The following EIF3H variants were observed in gnomAD, a reference collection of about 807,000 sequenced individuals.
EIF3H encodes eukaryotic translation initiation factor 3 subunit H, also known as eIF-3-gamma.
Under a neutral mutation model 44.2 loss-of-function variants are expected in EIF3H, and 26 were observed. The ratio of observed to expected loss-of-function variants is 0.59; its 90% CI spans 0.43 to 0.82. EIF3H has a LOEUF of 0.82. Among genes scored for constraint, EIF3H ranks in the 40% least tolerant of loss-of-function variants. The pLI is 0.00. For missense variants in EIF3H, 359 were observed against 432.8 expected, an observed-to-expected ratio of 0.83 and a Z score of 1.51; for synonymous variants, 166 against 151.9, an observed-to-expected ratio of 1.09 and a Z score of -0.68.
chr8:116,696,678 G>C (rs1814273133), intron 2 of EIF3H, among the ~76,000 whole-genome samples: 1 of 152,128 alleles, frequency 6.6e-6, no homozygotes, highest in Non-Finnish European at 1.5e-5. Context: ...TAAGGCTTCA[G>C]AATACTTACA....
intron 1 of EIF3H, among the ~76,000 whole-genome samples, chr8:116,744,214 TAA>T (rs66854303): frequency 7.1e-6 from 1 of 141,258 alleles, no homozygotes; most frequent in African/African-American, 2.6e-5. Flanking sequence ...TAGAAAGTAT[TAA>T]AAAAAAAAAA....
chr8:116,764,659 G>A (rs1815549936), intron 1 of EIF3H, among the ~76,000 whole-genome samples: 1 of 152,094 alleles, frequency 6.6e-6, no homozygotes, highest in South Asian at 2.1e-4. Flanking sequence ...TGCTGTAATA[G>A]AAAACTCTAT....
chr8:116,671,178 ACTAT>A (rs2130817308), intron 2 of EIF3H, among the ~76,000 whole-genome samples: 1 of 152,314 alleles, frequency 6.6e-6, no homozygotes, highest in South Asian at 2.1e-4. Context: ...CTAGGGAAGG[ACTAT>A]CTTTGTTTTA....
At chr8:116,696,663 A>G (rs950353994) in intron 2 of EIF3H, among the ~76,000 whole-genome samples, 2 of 152,228 alleles carry the variant, frequency 1.3e-5, no homozygotes, top group African/African-American at 4.8e-5. Flanking sequence ...ACAGAGTTCA[A>G]TGACTAAGGC....
intron 1 of EIF3H, among the ~76,000 whole-genome samples, chr8:116,728,751 T>C (rs1814898776): frequency 6.6e-6 from 1 of 152,142 alleles, no homozygotes; most frequent in South Asian, 2.1e-4. Flanking sequence ...CATACAAGTA[T>C]GGGTATGAGT....
chr8:116,752,731 A>AGAAAGAAAGAAG (rs1324250832), intron 1 of EIF3H, among the ~76,000 whole-genome samples: 17 of 120,702 alleles, frequency 1.4e-4, no homozygotes, highest in African/African-American at 3.9e-4. Context: ...AAAGAAAGAA[A>AGAAAGAAAGAAG]GAAGAGAAAG....
chr8:116,643,868 A>C lies in EIF3H; in HGVS notation c.*1138T>G, dbSNP rs1041559420. ...CCCCACCAGCTGGCAGATCTCACTG[A>C]TTTTGGTGATGCACAAACAGCAAAA... On this transcript the variant is annotated 3_prime_UTR_variant, in exon 8 of 8. Coordinates refer to ENST00000521861, the MANE Select transcript of EIF3H (RefSeq NM_003756.3). The C allele has an allele frequency of 2.6e-5, 4 of 152,214 alleles. No homozygotes were observed. Among genetic ancestry groups the C allele is most frequent in the Non-Finnish European group, 1.5e-5 (1 of 68,026 alleles). The allele number at this position is 152,214 out of a possible 1,614,324, so 9.4% of individuals were successfully genotyped here. A position where few individuals can be genotyped will look rare whatever the true frequency, so the allele number is the denominator to read the frequency against.
At chr8:116,752,735 G>GAAGAGAA (rs1815372285) in intron 1 of EIF3H, among the ~76,000 whole-genome samples, 2 of 70,788 alleles carry the variant, frequency 2.8e-5, no homozygotes, top group African/African-American at 5.5e-5. Context: ...AAAGAAAGAA[G>GAAGAGAA]AGAAAGAAAG....
At chr8:116,658,008 A>G (rs1813521368) in intron 3 of EIF3H, among the ~76,000 whole-genome samples, 1 of 152,230 alleles carries the variant, frequency 6.6e-6, no homozygotes, top group African/African-American at 2.4e-5. Context: ...TTTTAGCAAT[A>G]GGTGATAAAA....
chr8:116,751,219 A>C (rs1424464014), intron 1 of EIF3H, among the ~76,000 whole-genome samples: 1 of 147,032 alleles, frequency 6.8e-6, no homozygotes, highest in Non-Finnish European at 1.5e-5. Context: ...CTCAAAAAAA[A>C]AATAAAATAA....
rs549354601 is a variant in EIF3H, at chr8:116,689,194, A to G, written c.290-30214T>C. 1.3e-3 allele frequency: 517 copies of G among 397,826 alleles called. 7 individuals are homozygous for G. The highest frequency in any genetic ancestry group is 8.8e-3 in the South Asian group (497 of 56,186). 24.6% of individuals were successfully genotyped at this position (397,826 alleles called of 1,614,324 possible). ...TCAGAGACAAAAGGACAAATATTGT[A>G]TAATTCCACTTACATGAGTTATCTA... On this transcript the variant is annotated intron_variant, in intron 2 of 7. Coordinates refer to ENST00000521861, the MANE Select transcript of EIF3H (RefSeq NM_003756.3).
At chr8:116,695,114 G>A (rs1814246847) in intron 2 of EIF3H, among the ~76,000 whole-genome samples, 1 of 149,632 alleles carries the variant, frequency 6.7e-6, no homozygotes, top group African/African-American at 2.5e-5. Flanking sequence ...TGTCGCCCAG[G>A]CTGGAGTGTG....
chr8:116,675,367 C>CCACT (rs1354146778), intron 2 of EIF3H, among the ~76,000 whole-genome samples: 1 of 152,194 alleles, frequency 6.6e-6, no homozygotes, highest in East Asian at 1.9e-4. Context: ...CCCATCCTGG[C>CCACT]CACTAATGAT....
intron 2 of EIF3H, among the ~76,000 whole-genome samples, chr8:116,680,039 G>T: frequency 3.3e-5 from 1 of 30,106 alleles, no homozygotes; most frequent in Admixed American, 2.1e-4. Context: ...GGGAGGCGGG[G>T]GGGGGGTCGG....
chr8:116,742,843 T>C (rs1202567378), intron 1 of EIF3H, among the ~76,000 whole-genome samples: 1 of 152,224 alleles, frequency 6.6e-6, no homozygotes, highest in Non-Finnish European at 1.5e-5. Flanking sequence ...ACTTTGTCTT[T>C]GATTTGTGTG....
In EIF3H at chr8:116,648,971, T is replaced by C. The variant is rs776808443; in HGVS notation, c.708-45A>G. 16 of 1,562,962 alleles carry C rather than the reference T, an allele frequency of 1.0e-5. No individual in the cohort carries two copies. The Admixed American group carries it at 1.1e-4, about 10-fold the overall frequency. The stretch of plus-strand genomic sequence containing the variant: ...TACTGACAAGTCTTACTTTAAATTA[T>C]AGCTTTGCTACTGCTCTAAACAGTT... On this transcript the variant is annotated intron_variant, in intron 5 of 7. Coordinates refer to ENST00000521861, the MANE Select transcript of EIF3H (RefSeq NM_003756.3).
chr8:116,741,026 A>G (rs1815123214), intron 1 of EIF3H, among the ~76,000 whole-genome samples: 3 of 152,172 alleles, frequency 2.0e-5, no homozygotes, highest in African/African-American at 7.2e-5. Flanking sequence ...AACTATCACA[A>G]CAAACATTTC....
At chr8:116,759,723 G>A (rs980042642), upstream of EIF3H, among the ~76,000 whole-genome samples, 1 of 151,958 alleles carries the variant, frequency 6.6e-6, no homozygotes, top group African/African-American at 2.4e-5. Context: ...GTGTGTGTGC[G>A]TGTGCGCGCG....
chr8:116,723,556 A>T (rs985485688), intron 2 of EIF3H, among the ~76,000 whole-genome samples: 8 of 152,238 alleles, frequency 5.3e-5, no homozygotes, highest in African/African-American at 1.9e-4. Context: ...CCTGCTTTGC[A>T]GACAAACTGC....
Sources: gnomAD v4.1 joint callset for allele counts (sites outside exome capture counted in the v4.1 genomes callset) on GRCh38, gnomAD v4.1.1 for gene constraint, MANE v1.5 for transcripts, NCBI Gene and HGNC (gene_info 2026-07-23, HGNC 2026-07-21) for gene names.